RAD51B: variants seen among roughly 807,000 people sequenced by gnomAD.
RAD51B encodes the protein RAD51 paralog B, also known as DNA repair protein RAD51 homolog 2.
A neutral mutation model predicts 42.2 loss-of-function variants in RAD51B; 38 were observed. The ratio of observed to expected loss-of-function variants is 0.90; its 90% CI spans 0.70 to 1.18. The LOEUF is 1.18. RAD51B is among the 50% of genes most tolerant of loss of function. The pLI is 0.00. For missense variants in RAD51B, 373 were observed against 400.7 expected (o/e 0.93, Z 0.59); for synonymous variants, 154 against 145.2 (o/e 1.06, Z -0.43).
At chr14:68,072,021 C>A (rs2076747223) in intron 7 of RAD51B, among the ~76,000 whole-genome samples, 1 of 122,618 alleles carries the variant, frequency 8.2e-6, no homozygotes, top group African/African-American at 3.5e-5. Flanking sequence ...CCCATTTCTT[C>A]TAGGTTTTCT....
chr14:68,652,412 G>A (rs752411687), intron 11 of RAD51B, among the ~76,000 whole-genome samples: 9 of 152,150 alleles, frequency 5.9e-5, no homozygotes, highest in Non-Finnish European at 1.0e-4. Context: ...TAAAAGCAAG[G>A]CCTGAAGCCT....
At position 68,427,590 on chromosome 14, in the gene RAD51B, C is replaced by A. The variant is rs116362547; in HGVS notation, c.957+16063C>A. On this transcript the variant is annotated intron_variant, in intron 9 of 10. Coordinates refer to ENST00000471583, the MANE Select transcript of RAD51B (RefSeq NM_133510.4). Reference sequence around the variant, plus strand: ...CCCTTTTGGAATGGGAATGTCTATCCTATGCCTTTCCTATCATTGTATTTT... The same window carrying A: ...CCCTTTTGGAATGGGAATGTCTATCATATGCCTTTCCTATCATTGTATTTT... 5.2e-3 allele frequency among the ~76,000 whole-genome samples: 797 copies of A among 152,288 alleles called. 10 individuals carry two copies. The highest frequency in any genetic ancestry group is 0.018 in the African/African-American group (752 of 41,550).
chr14:68,531,118 A>C (rs1887276309), intron 10 of RAD51B, among the ~76,000 whole-genome samples: 1 of 151,982 alleles, frequency 6.6e-6, no homozygotes, highest in South Asian at 2.1e-4. Flanking sequence ...GAGAAAGCAG[A>C]ATATAGAAAA....
intron 7 of RAD51B, among the ~76,000 whole-genome samples, chr14:68,073,540 A>G (rs1462239584): frequency 6.6e-6 from 1 of 152,100 alleles, no homozygotes; most frequent in Non-Finnish European, 1.5e-5. Context: ...TAATATTGAT[A>G]TGTGCAGATT....
chr14:68,658,920 AAG>A (rs1892876692), intron 11 of RAD51B, among the ~76,000 whole-genome samples: 1 of 152,230 alleles, frequency 6.6e-6, no homozygotes, highest in African/African-American at 2.4e-5. Context: ...TCCCTGGAGT[AAG>A]AGAGAGGCTG....
intron 8 of RAD51B, among the ~76,000 whole-genome samples, chr14:68,309,076 G>A (rs2139719332): frequency 6.6e-6 from 1 of 152,244 alleles, no homozygotes; most frequent in Middle Eastern, 3.4e-3. Context: ...ATGTTTCTGT[G>A]TCACTTAAGA....
intron 9 of RAD51B, among the ~76,000 whole-genome samples, chr14:68,434,116 A>G (rs1223897954): frequency 1.3e-5 from 2 of 152,178 alleles, no homozygotes; most frequent in African/African-American, 4.8e-5. Context: ...TTCGTCTCAC[A>G]GGGGTACCTG....
chr14:68,270,549 C>T lies in RAD51B; in HGVS notation c.757-21335C>T, dbSNP rs185235685. Among the ~76,000 whole-genome samples the T allele has an allele frequency of 2.6e-5, 4 of 152,264 alleles. No homozygotes were observed. The East Asian group carries it at 7.7e-4, about 29-fold the overall frequency. On this transcript the variant is annotated intron_variant, in intron 7 of 10. Transcript: ENST00000471583. The stretch of plus-strand genomic sequence containing the variant: ...GCCTTGTTGGTTTTTCTGGAGATAG[C>T]ACATTTGGGTCACAGGGGTTCAGCC...
intron 7 of RAD51B, among the ~76,000 whole-genome samples, chr14:68,153,784 C>T (rs147938548): frequency 3.8e-4 from 58 of 152,132 alleles, no homozygotes; most frequent in Admixed American, 7.2e-4. Flanking sequence ...GTATTCATGG[C>T]GGCCTACTTC....
intron 11 of RAD51B, among the ~76,000 whole-genome samples, chr14:68,671,819 CAA>C (rs112197030): frequency 2.8e-5 from 4 of 145,252 alleles, no homozygotes; most frequent in African/African-American, 1.0e-4. Flanking sequence ...GACTGGTTAT[CAA>C]AAAAAAAAAA....
At chr14:68,655,046 T>C (rs745871917) in intron 11 of RAD51B, among the ~76,000 whole-genome samples, 19 of 152,088 alleles carry the variant, frequency 1.2e-4, no homozygotes, top group Non-Finnish European at 1.8e-4. Flanking sequence ...CATGATGGTC[T>C]CAGGCCTGCT....
Position 67,992,531 on chromosome 14 carries a change from TC to T in RAD51B, c.756+105328del, listed in dbSNP as rs553954161. Among the ~76,000 whole-genome samples the T allele has an allele frequency of 1.4e-4, 21 of 152,334 alleles. No homozygotes were observed. In the East Asian group the frequency reaches 4.0e-3, roughly 29 times the overall value. ...TAGTTGATGTTTAGATTCAGTCTAC[TC>T]TTTTTGGTGGTGTGTTTCCTACTTG... On this transcript the variant is annotated intron_variant, in intron 7 of 10. Coordinates refer to ENST00000471583, the MANE Select transcript of RAD51B (RefSeq NM_133510.4).
At chr14:67,825,212 C>G (rs906640429) in intron 2 of RAD51B, among the ~76,000 whole-genome samples, 47 of 150,954 alleles carry the variant, frequency 3.1e-4, no homozygotes, top group Admixed American at 3.1e-3. Flanking sequence ...GATGCTGGTG[C>G]TATGTGATAT....
At chr14:68,500,243 G>A (rs1884825817) in intron 10 of RAD51B, among the ~76,000 whole-genome samples, 1 of 152,174 alleles carries the variant, frequency 6.6e-6, no homozygotes, top group African/African-American at 2.4e-5. Flanking sequence ...TGTTTAACAT[G>A]TGCTAAGTAT....
chr14:68,392,874 G>A (rs1015214851), intron 8 of RAD51B, among the ~76,000 whole-genome samples: 4 of 152,154 alleles, frequency 2.6e-5, no homozygotes, highest in Admixed American at 6.5e-5. Context: ...CACAGCCCAC[G>A]CCGAGAAAAT....
At chr14:68,004,489 A>AT (rs1476123077) in intron 7 of RAD51B, among the ~76,000 whole-genome samples, 2 of 151,980 alleles carry the variant, frequency 1.3e-5, no homozygotes, top group African/African-American at 4.8e-5. Context: ...CTCTGGAAAA[A>AT]TTTTTATAAC....
intron 7 of RAD51B, among the ~76,000 whole-genome samples, chr14:67,893,507 C>CAAAA (rs1380063620): frequency 1.3e-5 from 1 of 75,356 alleles, no homozygotes; most frequent in African/African-American, 5.7e-5. Flanking sequence ...CACACACACA[C>CAAAA]ACAAAAAAAA....
chr14:68,569,669 G>A (rs928907854), intron 10 of RAD51B, among the ~76,000 whole-genome samples: 4 of 152,218 alleles, frequency 2.6e-5, no homozygotes, highest in Non-Finnish European at 5.9e-5. Flanking sequence ...GTCCCTTATT[G>A]ATGTGATTGC....
At chr14:67,886,922 A>C in intron 6 of RAD51B, 99 bp from the exon 7 acceptor site, 2 of 732,226 alleles carry the variant, frequency 2.7e-6, no homozygotes, top group Non-Finnish European at 4.2e-6. Context: ...CTTAGGAAAG[A>C]ATAGTTTATT....
Sources: allele counts gnomAD v4.1 joint callset (sites outside exome capture counted in the v4.1 genomes callset), GRCh38; gene constraint gnomAD v4.1.1; transcripts MANE v1.5; gene names NCBI Gene and HGNC (gene_info 2026-07-23, HGNC 2026-07-21).